The following CPAMD8 variants were observed in gnomAD, a reference collection of about 807,000 sequenced individuals.
CPAMD8 encodes C3 and PZP like alpha-2-macroglobulin domain containing 8, also known as C3 and PZP-like alpha-2-macroglobulin domain-containing protein 8.
In CPAMD8, 146 loss-of-function variants were observed where a neutral mutation model predicts 224.7. The ratio of observed to expected loss-of-function variants is 0.65; its 90% CI spans 0.57 to 0.75. The LOEUF is 0.75. Among genes scored for constraint, CPAMD8 ranks in the 30% least tolerant of loss-of-function variants. CPAMD8 has a pLI of 0.00. For missense variants in CPAMD8, 2,301 were observed against 2,537.5 expected (o/e 0.91, Z 2.00); for synonymous variants, 966 against 1,044.6 (o/e 0.92, Z 1.45).
Position 16,957,854 on chromosome 19 carries a change from T to C in CPAMD8, c.2275A>G (p.Ser759Gly). 6.2e-7 allele frequency: 1 copy of C among 1,614,104 alleles called. No individual in the cohort carries two copies. Among genetic ancestry groups the C allele is most frequent in the Non-Finnish European group, 8.5e-7 (1 of 1,179,948 alleles). Reference sequence around the variant, plus strand: ...CGCAGAAAAGAAATCTTAATGTACCTGATGTTGAGACAATGCCAAATCCAT... The same window carrying C: ...CGCAGAAAAGAAATCTTAATGTACCCGATGTTGAGACAATGCCAAATCCAT... ...ETWIWHCLNI[S>G]DPSGEGTLSV... Residue 759 changes from serine (S) to glycine (G), a missense_variant and splice_region_variant, in exon 19 of 42, where the codon AGT becomes GGT. Ser to Gly is a moderately conservative substitution (Grantham distance 56). Around this residue, in one of 4 missense-constraint regions of CPAMD8, gnomAD observed 1,709 missense variants for 1,753.2 expected, o/e 0.97. Transcript: ENST00000443236.
intron 34 of CPAMD8, 76 bp downstream of exon 34, chr19:16,903,485 G>A: frequency 6.2e-7 from 1 of 1,600,616 alleles, no homozygotes; most frequent in South Asian, 1.1e-5. Flanking sequence ...GGTCCCTGGG[G>A]TTCCACTGTG....
chr19:17,013,897 T>C (rs1161393595), intron 3 of CPAMD8, among the ~76,000 whole-genome samples: 1 of 151,202 alleles, frequency 6.6e-6, no homozygotes, highest in Non-Finnish European at 1.5e-5. Flanking sequence ...CCTTCCTTCC[T>C]TCCTTCCTTC....
At chr19:16,968,180 T>C (rs2054925210) in intron 18 of CPAMD8, among the ~76,000 whole-genome samples, 1 of 152,046 alleles carries the variant, frequency 6.6e-6, no homozygotes, top group South Asian at 2.1e-4. Context: ...GGGGCCAGCA[T>C]TCCAATCTTC....
At chr19:16,998,179 G>T (rs1297362452) in intron 10 of CPAMD8, among the ~76,000 whole-genome samples, 2 of 152,220 alleles carry the variant, frequency 1.3e-5, no homozygotes, top group East Asian at 3.8e-4. Context: ...AGAGAGATGG[G>T]CTGGGTGTGA....
chr19:16,983,273 G>A (rs1277808017), intron 13 of CPAMD8, among the ~76,000 whole-genome samples: 2 of 152,094 alleles, frequency 1.3e-5, no homozygotes, highest in Non-Finnish European at 2.9e-5. Context: ...ACGGTGGCAG[G>A]TGCTTGTAAT....
intron 20 of CPAMD8, among the ~76,000 whole-genome samples, chr19:16,951,648 A>G (rs2054299306): frequency 6.6e-6 from 1 of 152,108 alleles, no homozygotes. Context: ...CCAGGGAGTC[A>G]GGGACAACAG....
chr19:17,012,797 C>G (rs918966978), intron 3 of CPAMD8, among the ~76,000 whole-genome samples: 1 of 152,178 alleles, frequency 6.6e-6, no homozygotes, highest in Non-Finnish European at 1.5e-5. Context: ...AGCCTGTGAG[C>G]GGTGGAAGGA....
chr19:16,974,687 C>T (rs997306380), intron 17 of CPAMD8, among the ~76,000 whole-genome samples: 47 of 152,144 alleles, frequency 3.1e-4, no homozygotes, highest in African/African-American at 9.2e-4. Flanking sequence ...GTTTGGAAGG[C>T]TGGGTGCAAT....
intron 13 of CPAMD8, among the ~76,000 whole-genome samples, chr19:16,987,706 A>G (rs904376026): frequency 6.6e-6 from 1 of 152,162 alleles, no homozygotes; most frequent in African/African-American, 2.4e-5. Flanking sequence ...GCTGGAGTAC[A>G]GTGGCACGAT....
intron 15 of CPAMD8, among the ~76,000 whole-genome samples, chr19:16,976,485 A>C (rs547023520): frequency 1.4e-4 from 22 of 152,060 alleles, no homozygotes; most frequent in African/African-American, 5.3e-4. Flanking sequence ...TCAAACAATG[A>C]AAAAAAGAAA....
chr19:16,951,143 C>T (rs943180324), intron 20 of CPAMD8, among the ~76,000 whole-genome samples: 2 of 152,098 alleles, frequency 1.3e-5, no homozygotes, highest in African/African-American at 2.4e-5. Flanking sequence ...TAACGCCCAG[C>T]GAGGCTCCGA....
Position 16,975,278 on chromosome 19 carries a change from G to C in CPAMD8, c.1909-20C>G. ...GAAAACCTGCAGGCAAAGGGGGACA[G>C]AGACTTGTCAGCTGAAGTTTTCTTT... On this transcript the variant is annotated intron_variant, in intron 16 of 41. Transcript: ENST00000443236. 1.3e-6 allele frequency: 2 copies of C among 1,588,788 alleles called. No individual in the cohort carries two copies. Among genetic ancestry groups the C allele is most frequent in the Non-Finnish European group, 8.6e-7 (1 of 1,165,362 alleles).
intron 36 of CPAMD8, among the ~76,000 whole-genome samples, 198 bp downstream of exon 36, chr19:16,901,012 T>C (rs1335788392): frequency 3.1e-5 from 4 of 128,106 alleles, no homozygotes; most frequent in Non-Finnish European, 4.6e-5. Flanking sequence ...AGAGCAAGAC[T>C]ATGTCAAAAA....
chr19:16,980,828 T>A (rs918677978), intron 13 of CPAMD8, 142 bp from the exon 14 acceptor site: 6 of 518,084 alleles, frequency 1.2e-5, no homozygotes, highest in African/African-American at 4.0e-5. Flanking sequence ...GGCCCCTAGC[T>A]TTTTTGTTTT....
intron 7 of CPAMD8, 113 bp downstream of exon 7, chr19:17,008,392 A>G: frequency 7.5e-7 from 1 of 1,329,758 alleles, no homozygotes; most frequent in Non-Finnish European, 1.0e-6. Context: ...GGTCCCCTCC[A>G]GCTGGAGCAG....
At chr19:16,983,442 T>C (rs2055587017) in intron 13 of CPAMD8, among the ~76,000 whole-genome samples, 1 of 151,212 alleles carries the variant, frequency 6.6e-6, no homozygotes, top group African/African-American at 2.4e-5. Context: ...ATAAACCTAT[T>C]TTTCTTTATA....
At chr19:16,984,045 C>T (rs2055617470) in intron 13 of CPAMD8, among the ~76,000 whole-genome samples, 1 of 152,096 alleles carries the variant, frequency 6.6e-6, no homozygotes, top group Non-Finnish European at 1.5e-5. Context: ...TGAAATGAAT[C>T]CAGACAGCTA....
At chr19:16,962,910 T>C (rs2054703565) in intron 18 of CPAMD8, among the ~76,000 whole-genome samples, 1 of 152,178 alleles carries the variant, frequency 6.6e-6, no homozygotes, top group African/African-American at 2.4e-5. Flanking sequence ...AGAAAAGAAT[T>C]CTCAATCCAG....
intron 18 of CPAMD8, among the ~76,000 whole-genome samples, chr19:16,962,998 A>AT (rs1423046700): frequency 6.6e-6 from 1 of 152,200 alleles, no homozygotes; most frequent in East Asian, 1.9e-4. Context: ...ATGCTGAGAG[A>AT]TTTTGTCACC....
Sources: gnomAD v4.1 joint callset for allele counts (sites outside exome capture counted in the v4.1 genomes callset) on GRCh38, gnomAD v4.1.1 for gene constraint, gnomAD v4.1.1 regional missense constraint, MANE v1.5 for transcripts, NCBI Gene and HGNC (gene_info 2026-07-23, HGNC 2026-07-21) for gene names.